MIOS: variants seen among roughly 807,000 people sequenced by gnomAD.
MIOS encodes the protein GATOR2 complex protein MIOS.
Under a neutral mutation model 96.9 loss-of-function variants are expected in MIOS, and 52 were observed. The ratio of observed to expected loss-of-function variants is 0.54; its 90% CI spans 0.43 to 0.68. The LOEUF (loss-of-function observed/expected upper bound fraction) is 0.68, where lower values mean the gene tolerates loss of function less well. Ranked by LOEUF, MIOS falls within the 30% of genes least tolerant of loss-of-function variation. The probability of loss-of-function intolerance (pLI) is 0.00; values close to 1 mark genes in which losing one functional copy is unlikely to be tolerated. For missense variants in MIOS, 1,005 were observed against 1,052.8 expected, an observed-to-expected ratio of 0.95 and a Z score of 0.63; for synonymous variants, 397 against 359.5, an observed-to-expected ratio of 1.10 and a Z score of -1.18.
chr7:7,597,850 C>T (rs532055938), intron 11 of MIOS, among the ~76,000 whole-genome samples: 14 of 152,048 alleles, frequency 9.2e-5, no homozygotes, highest in African/African-American at 3.4e-4. Context: ...GTAGCTGGGA[C>T]CATAGGGTTT....
intron 11 of MIOS, among the ~76,000 whole-genome samples, chr7:7,603,106 C>T (rs1265815183): frequency 6.6e-6 from 1 of 152,198 alleles, no homozygotes; most frequent in Admixed American, 6.5e-5. Flanking sequence ...AGACCTAAAA[C>T]CGTAAAAACC....
chr7:7,594,352 A>C (rs1784141320), intron 9 of MIOS, among the ~76,000 whole-genome samples: 1 of 151,402 alleles, frequency 6.6e-6, no homozygotes, highest in Non-Finnish European at 1.5e-5. Context: ...TGTCACCCAG[A>C]CTACAGTGCA....
intron 5 of MIOS, among the ~76,000 whole-genome samples, chr7:7,578,764 G>A (rs1236025165): frequency 1.3e-5 from 2 of 151,834 alleles, no homozygotes; most frequent in Admixed American, 1.3e-4. Context: ...AGGCTGGAGT[G>A]CAGTGACACA....
In MIOS at chr7:7,607,542, ATTAAT is replaced by A. The variant is rs1188761225; in HGVS notation, c.*455_*459del. On this transcript the variant is annotated 3_prime_UTR_variant, in exon 13 of 13. Transcript: ENST00000340080. ...TCAGCTGTGCTTAGATTTCTTTCAG[ATTAAT>A]TTAAAATTACAGATTTTTACTTTTA... is the stretch of plus-strand genomic sequence containing the variant. The A allele has an allele frequency of 6.5e-6, 1 of 153,494 alleles. No individual in the cohort carries two copies. Among genetic ancestry groups the A allele is most frequent in the African/African-American group, 2.4e-5 (1 of 41,274 alleles). The allele number at this position is 153,494 out of a possible 1,614,324, so 9.5% of individuals were successfully genotyped here.
chr7:7,605,684 C>G (rs1411193804), intron 11 of MIOS: 1 of 308,952 alleles, frequency 3.2e-6, no homozygotes, highest in Non-Finnish European at 6.0e-6. Flanking sequence ...CTGATTTGGT[C>G]TCTCCAAAGT....
At chr7:7,569,639 A>T (rs1200470791) in intron 3 of MIOS, among the ~76,000 whole-genome samples, 1 of 152,216 alleles carries the variant, frequency 6.6e-6, no homozygotes, top group South Asian at 2.1e-4. Flanking sequence ...GAACACCAAA[A>T]ATACTTCACC....
chr7:7,573,508 C>A lies in MIOS; in HGVS notation c.1033C>A (p.Arg345=). The change falls in exon 4 of 13, where the codon CGA becomes AGA. Residue 345 remains arginine, a synonymous_variant. Coordinates refer to ENST00000340080, the MANE Select transcript of MIOS (RefSeq NM_019005.4). The surrounding 1 kb of genome is among the most constrained non-coding windows in gnomAD (Gnocchi z 5.0). ...QNRMIVVTPN[R]TMSDFTVFER... is the part of the protein sequence containing the mutation. ...TCGAATGATAGTTGTAACTCCCAAC[C>A]GAACAATGTCAGACTTCACTGTTTT... 1 of 1,614,134 alleles carries A rather than the reference C, an allele frequency of 6.2e-7. No homozygotes were observed. The highest frequency in any genetic ancestry group is 1.1e-5 in the South Asian group (1 of 91,086).
Position 7,573,864 on chromosome 7 carries a change from A to G in MIOS, c.1294+95A>G, listed in dbSNP as rs1231110591. 1.1e-5 allele frequency: 13 copies of G among 1,188,818 alleles called. No homozygotes were observed. The East Asian group carries it at 3.1e-4, about 28-fold the overall frequency. The allele number at this position is 1,188,818 out of a possible 1,614,324, so 73.6% of individuals were successfully genotyped here. A position where few individuals can be genotyped will look rare whatever the true frequency, so the allele number is the denominator to read the frequency against. ...AGTCTGTAAATATGCTCAATGTTTT[A>G]TATACAAATACAAGTTACATAATAC... is the stretch of plus-strand genomic sequence containing the variant. On this transcript the variant is annotated intron_variant, in intron 4 of 12. Transcript: ENST00000340080. This position sits in a 1 kb window ranked among gnomAD's most constrained non-coding sequence, Gnocchi z 5.0.
At chr7:7,601,063 A>C (rs1784361932) in intron 11 of MIOS, among the ~76,000 whole-genome samples, 1 of 63,964 alleles carries the variant, frequency 1.6e-5, no homozygotes. Flanking sequence ...GACACATTCA[A>C]AGCAGTGTTT....
chr7:7,581,424 C>G (rs1254109161), intron 5 of MIOS, among the ~76,000 whole-genome samples: 1 of 152,192 alleles, frequency 6.6e-6, no homozygotes, highest in Non-Finnish European at 1.5e-5. Context: ...ATGACTGTAG[C>G]TAAATTAACT....
intron 5 of MIOS, among the ~76,000 whole-genome samples, chr7:7,577,693 G>C (rs975876854): frequency 6.6e-6 from 1 of 152,156 alleles, no homozygotes; most frequent in African/African-American, 2.4e-5. Flanking sequence ...CCAGAGGAAA[G>C]GGGGAAAGGA....
At position 7,573,658 on chromosome 7, in the gene MIOS, C is replaced by A; in HGVS notation, c.1183C>A (p.Arg395Ser). The A allele has an allele frequency of 6.2e-7, 1 of 1,613,832 alleles. No individual in the cohort carries two copies. The change falls in exon 4 of 13, where the codon CGT becomes AGT. Residue 395 changes from arginine to serine, a missense_variant. Around this residue, in one of 3 missense-constraint regions of MIOS, gnomAD observed 865 missense variants for 887.9 expected, o/e 0.97. Coordinates refer to ENST00000340080, the MANE Select transcript of MIOS (RefSeq NM_019005.4). This position sits in a 1 kb window ranked among gnomAD's most constrained non-coding sequence, Gnocchi z 5.0. ...AGAAAAAGATATAGCAACGAAGATG[C>A]GTCTTCGGGCTTTATCAAGGTATGG... ...SLEKDIATKM[R>S]LRALSRYGLD...
At chr7:7,601,036 C>A (rs1470169382) in intron 11 of MIOS, among the ~76,000 whole-genome samples, 1 of 149,530 alleles carries the variant, frequency 6.7e-6, no homozygotes, top group African/African-American at 2.5e-5. Flanking sequence ...AAAGACACAA[C>A]ATACCAGAAT....
chr7:7,592,876 C>T (rs968176900), intron 9 of MIOS, among the ~76,000 whole-genome samples: 1 of 152,132 alleles, frequency 6.6e-6, no homozygotes, highest in African/African-American at 2.4e-5. Context: ...GGCTGTGGAC[C>T]TGGGGGTATA....
intron 5 of MIOS, among the ~76,000 whole-genome samples, chr7:7,574,419 G>C (rs1410790864): frequency 6.6e-6 from 1 of 151,930 alleles, no homozygotes; most frequent in East Asian, 1.9e-4. Context: ...AAGTGATGTT[G>C]ATCTTCTTAA....
intron 9 of MIOS, among the ~76,000 whole-genome samples, chr7:7,593,933 T>G (rs1784128371): frequency 7.7e-6 from 1 of 129,076 alleles, no homozygotes; most frequent in Non-Finnish European, 1.7e-5. Flanking sequence ...AAAGCAAGCA[T>G]AGATGAAATG....
intron 8 of MIOS, 28 bp downstream of exon 8, chr7:7,588,591 A>G (rs1371411139): frequency 2.0e-6 from 3 of 1,470,714 alleles, no homozygotes; most frequent in South Asian, 1.3e-5. Context: ...TCCACATTTG[A>G]AGTAATTAAT....
intron 11 of MIOS, among the ~76,000 whole-genome samples, chr7:7,603,354 G>A (rs11764201): frequency 6.6e-6 from 1 of 152,028 alleles, no homozygotes; most frequent in Non-Finnish European, 1.5e-5. Context: ...ACAATGAACT[G>A]AAACAAATTT....
intron 8 of MIOS, among the ~76,000 whole-genome samples, chr7:7,588,786 G>A (rs1001627648): frequency 6.6e-6 from 1 of 151,986 alleles, no homozygotes; most frequent in Non-Finnish European, 1.5e-5. Flanking sequence ...TTCTTTGGAG[G>A]GTAAGATTAG....
Sources: gnomAD v4.1 joint callset for allele counts (sites outside exome capture counted in the v4.1 genomes callset) on GRCh38, gnomAD v4.1.1 for gene constraint, gnomAD v4.1.1 regional missense constraint, Gnocchi (gnomAD v3.1) non-coding constraint, MANE v1.5 for transcripts, NCBI Gene and HGNC (gene_info 2026-07-23, HGNC 2026-07-21) for gene names.